The following CTNNA3 variants were observed in gnomAD, a reference collection of about 807,000 sequenced individuals.
CTNNA3 encodes catenin alpha 3.
A neutral mutation model predicts 95.7 loss-of-function variants in CTNNA3; 76 were observed. The ratio of observed to expected loss-of-function variants is 0.79; its 90% CI spans 0.66 to 0.96. The LOEUF is 0.96. Among genes scored for constraint, CTNNA3 ranks in the 40% least tolerant of loss-of-function variants. The pLI is 0.00. For missense variants in CTNNA3, 1,191 were observed against 1,089.8 expected (o/e 1.09, Z -1.31); for synonymous variants, 431 against 374.4 (o/e 1.15, Z -1.74).
chr10:67,106,595 T>C (rs760277398), intron 7 of CTNNA3, among the ~76,000 whole-genome samples: 1 of 152,210 alleles, frequency 6.6e-6, no homozygotes, highest in Non-Finnish European at 1.5e-5. Flanking sequence ...AAGTAGATAC[T>C]ATTGTTTTTC....
intron 1 of CTNNA3, among the ~76,000 whole-genome samples, chr10:67,678,645 T>C (rs936805017): frequency 1.3e-5 from 2 of 151,996 alleles, no homozygotes; most frequent in Admixed American, 6.6e-5. Flanking sequence ...TGCTTAGCAG[T>C]TGAGAGAAAA....
intron 5 of CTNNA3, among the ~76,000 whole-genome samples, chr10:67,392,221 C>T (rs1844527067): frequency 6.6e-6 from 1 of 152,108 alleles, no homozygotes; most frequent in Non-Finnish European, 1.5e-5. Flanking sequence ...AAAAAACAAA[C>T]AACCCCATCA....
intron 9 of CTNNA3, among the ~76,000 whole-genome samples, chr10:66,762,631 C>A (rs1312486144): frequency 6.6e-6 from 1 of 151,658 alleles, no homozygotes; most frequent in African/African-American, 2.4e-5. Context: ...ATGTTCAGAC[C>A]AAATTCTTCG....
intron 7 of CTNNA3, among the ~76,000 whole-genome samples, chr10:66,787,719 AC>A (rs1489712391): frequency 6.6e-6 from 1 of 152,206 alleles, no homozygotes; most frequent in African/African-American, 2.4e-5. Context: ...TTTCATTTCA[AC>A]CAGCAAGATT....
At chr10:67,077,671 A>C (rs1489181496) in intron 7 of CTNNA3, among the ~76,000 whole-genome samples, 1 of 152,152 alleles carries the variant, frequency 6.6e-6, no homozygotes, top group African/African-American at 2.4e-5. Flanking sequence ...CCAACATCAA[A>C]ATTTGTAATC....
chr10:66,757,976 T>G (rs186686364), intron 9 of CTNNA3, among the ~76,000 whole-genome samples: 122 of 152,310 alleles, frequency 8.0e-4, no homozygotes, highest in Admixed American at 3.4e-3. Flanking sequence ...TAAAGTATTT[T>G]GCATGATTTT....
chr10:66,139,678 C>G (rs576181822), intron 13 of CTNNA3, among the ~76,000 whole-genome samples: 2 of 151,890 alleles, frequency 1.3e-5, no homozygotes, highest in African/African-American at 4.8e-5. Flanking sequence ...TACAATAGAC[C>G]ATCATAATTG....
intron 9 of CTNNA3, among the ~76,000 whole-genome samples, chr10:66,637,828 T>C (rs1381090250): frequency 6.6e-6 from 1 of 152,174 alleles, no homozygotes; most frequent in Non-Finnish European, 1.5e-5. Context: ...TACCCTCACC[T>C]TCAGCCTCTG....
intron 4 of CTNNA3, among the ~76,000 whole-genome samples, chr10:67,522,212 C>T (rs1009086843): frequency 1.3e-5 from 2 of 152,062 alleles, no homozygotes; most frequent in African/African-American, 4.8e-5. Flanking sequence ...AACAAAAGAG[C>T]ATACTTCATT....
chr10:67,052,046 C>G (rs949616519), intron 7 of CTNNA3, among the ~76,000 whole-genome samples: 2 of 152,132 alleles, frequency 1.3e-5, no homozygotes, highest in Non-Finnish European at 2.9e-5. Flanking sequence ...TGAGCCACCA[C>G]GCCTGGCCTA....
chr10:66,639,242 A>G (rs1845437299), intron 9 of CTNNA3, among the ~76,000 whole-genome samples: 1 of 152,168 alleles, frequency 6.6e-6, no homozygotes, highest in Admixed American at 6.5e-5. Context: ...CCAGTTAAAT[A>G]TTATGAGTTA....
intron 5 of CTNNA3, among the ~76,000 whole-genome samples, chr10:67,471,885 A>G (rs548263552): frequency 1.3e-5 from 2 of 152,352 alleles, no homozygotes; most frequent in African/African-American, 4.8e-5. Flanking sequence ...TTTGCTCCAA[A>G]TATAAAAAAA....
At chr10:67,271,475 T>A (rs2132418850) in intron 5 of CTNNA3, among the ~76,000 whole-genome samples, 1 of 152,302 alleles carries the variant, frequency 6.6e-6, no homozygotes, top group Middle Eastern at 3.4e-3. Flanking sequence ...TCTCCAGCAA[T>A]GTGGAACTGT....
At chr10:65,961,224 C>G (rs1226649335) in intron 17 of CTNNA3, among the ~76,000 whole-genome samples, 3 of 152,110 alleles carry the variant, frequency 2.0e-5, no homozygotes, top group Non-Finnish European at 2.9e-5. Flanking sequence ...CTTTCTCTCT[C>G]TTTTATTCCT....
intron 11 of CTNNA3, among the ~76,000 whole-genome samples, chr10:66,479,950 T>TCACACACACACACACACACACACA (rs71466882): frequency 1.4e-5 from 2 of 145,362 alleles, no homozygotes; most frequent in African/African-American, 5.2e-5. Flanking sequence ...ACCAAAGCAT[T>TCACACACACACACACACACACACA]CACACACACA....
chr10:67,486,905 C>T (rs2099504348), intron 5 of CTNNA3, among the ~76,000 whole-genome samples: 3 of 152,142 alleles, frequency 2.0e-5, no homozygotes, highest in African/African-American at 4.8e-5. Flanking sequence ...AGTCATTTTA[C>T]TACTTTCTTC....
chr10:66,039,996 T>A (rs2079651790), intron 15 of CTNNA3, among the ~76,000 whole-genome samples: 1 of 152,058 alleles, frequency 6.6e-6, no homozygotes, highest in South Asian at 2.1e-4. Context: ...ATATCCACCA[T>A]CTACAAGGAA....
In CTNNA3 at chr10:67,441,574, C is replaced by A. The variant is rs963923555; in HGVS notation, c.579+80268G>T. Among the ~76,000 whole-genome samples, 2 of 151,970 alleles carry A rather than the reference C, an allele frequency of 1.3e-5. 1 individual carries two copies. The highest frequency in any genetic ancestry group is 2.9e-5 in the Non-Finnish European group (2 of 67,936). On this transcript the variant is annotated intron_variant, in intron 5 of 17. Transcript: ENST00000433211. The stretch of plus-strand genomic sequence containing the variant: ...CCTAAAAGCACCAAAAGAAAAGAAA[C>A]AAATCACATACAATGGAGCTCCAAT...
chr10:67,139,299 ATTTTT>A (rs60290459), intron 7 of CTNNA3, among the ~76,000 whole-genome samples: 1 of 117,922 alleles, frequency 8.5e-6, no homozygotes, highest in African/African-American at 3.3e-5. Context: ...CGCCCGGCTA[ATTTTT>A]TTTTTTTTTT....
Sources: allele counts gnomAD v4.1 joint callset (sites outside exome capture counted in the v4.1 genomes callset), GRCh38; gene constraint gnomAD v4.1.1; transcripts MANE v1.5; gene names NCBI Gene and HGNC (gene_info 2026-07-23, HGNC 2026-07-21).